The following MBOAT2 variants were observed in gnomAD, a reference collection of about 807,000 sequenced individuals.
MBOAT2 encodes the protein membrane-bound glycerophospholipid O-acyltransferase 2.
MBOAT2 carries 28 observed loss-of-function variants against 63.4 expected under a neutral mutation model. The observed-to-expected ratio is 0.44, with a 90% CI of 0.33 to 0.61. The LOEUF (loss-of-function observed/expected upper bound fraction) is 0.61. Among genes scored for constraint, MBOAT2 ranks in the 20% least tolerant of loss-of-function variants. MBOAT2 has a pLI of 0.03. For missense variants in MBOAT2, 470 were observed against 605.8 expected (o/e 0.78, Z 2.35); for synonymous variants, 211 against 215.6 (o/e 0.98, Z 0.19).
At chr2:8,863,726 C>T (rs555339898) in intron 10 of MBOAT2, among the ~76,000 whole-genome samples, 1 of 152,286 alleles carries the variant, frequency 6.6e-6, no homozygotes, top group East Asian at 1.9e-4. Flanking sequence ...GTCTTTTTAT[C>T]TTACTCATGT....
intron 1 of MBOAT2, among the ~76,000 whole-genome samples, chr2:8,983,200 T>C (rs1671320825): frequency 6.6e-6 from 1 of 152,160 alleles, no homozygotes; most frequent in Non-Finnish European, 1.5e-5. Flanking sequence ...ATGATACAGA[T>C]GTAAAATACA....
intron 3 of MBOAT2, among the ~76,000 whole-genome samples, chr2:8,917,644 G>A (rs187795201): frequency 6.6e-6 from 1 of 152,320 alleles, no homozygotes; most frequent in East Asian, 1.9e-4. Flanking sequence ...TGGGAGTGTA[G>A]AATGCTACAA....
At chr2:8,985,238 C>T (rs894930724) in intron 1 of MBOAT2, among the ~76,000 whole-genome samples, 3 of 152,158 alleles carry the variant, frequency 2.0e-5, no homozygotes, top group Non-Finnish European at 4.4e-5. Context: ...AATGATCTAC[C>T]TTTTACCGTT....
chr2:8,888,427 A>G (rs1663724231), intron 4 of MBOAT2, among the ~76,000 whole-genome samples: 1 of 152,194 alleles, frequency 6.6e-6, no homozygotes, highest in Non-Finnish European at 1.5e-5. Context: ...ATGTGGCCCC[A>G]GTCTCCTGCT....
chr2:9,003,528 G>A lies in MBOAT2; in HGVS notation c.75+12C>T. 1.7e-6 allele frequency: 2 copies of A among 1,197,416 alleles called. No homozygotes were observed. The highest frequency in any genetic ancestry group is 3.5e-5 in the South Asian group (1 of 28,262). The allele number at this position is 1,197,416 out of a possible 1,614,324, so 74.2% of individuals were successfully genotyped here. A position where few individuals can be genotyped will look rare whatever the true frequency, so the allele number is the denominator to read the frequency against. On this transcript the variant is annotated intron_variant, in intron 1 of 12. Transcript: ENST00000305997. The surrounding 1 kb of genome is among the most constrained non-coding windows in gnomAD (Gnocchi z 5.4). ...AGGGCGCGACGCCCGGCGCCAGGGC[G>A]CCTCGGGGTACCTGGTCGATGGGCA...
chr2:8,896,626 C>G (rs1558586401), intron 4 of MBOAT2, among the ~76,000 whole-genome samples: 1 of 152,164 alleles, frequency 6.6e-6, no homozygotes, highest in Non-Finnish European at 1.5e-5. Flanking sequence ...ATTAATAAGA[C>G]CTTGTTCAGT....
In MBOAT2 at chr2:8,862,304, A is replaced by G. The variant is rs1273585137; in HGVS notation, c.1185+286T>C. The G allele has an allele frequency of 5.9e-6, 8 of 1,350,774 alleles. No individual in the cohort carries two copies. Among genetic ancestry groups the G allele is most frequent in the Non-Finnish European group, 7.8e-6 (8 of 1,029,758 alleles). 83.7% of individuals were successfully genotyped at this position (1,350,774 alleles called of 1,614,324 possible). A position where few individuals can be genotyped will look rare whatever the true frequency, so the allele number is the denominator to read the frequency against. On this transcript the variant is annotated intron_variant, in intron 11 of 12. Coordinates refer to ENST00000305997, the MANE Select transcript of MBOAT2 (RefSeq NM_138799.4). This position sits in a 1 kb window ranked among gnomAD's most constrained non-coding sequence, Gnocchi z 4.3. ...ATCATCTTTATTTAACTCAGTTTTT[A>G]TCTCTCCTTCAGAAAATTCTGTAAA...
chr2:8,952,464 GAATT>G (rs1410207784), intron 2 of MBOAT2, among the ~76,000 whole-genome samples: 2 of 152,164 alleles, frequency 1.3e-5, no homozygotes, highest in Non-Finnish European at 2.9e-5. Flanking sequence ...TATAAGTACA[GAATT>G]AATTTATTAG....
chr2:8,974,463 C>A (rs1300015732), intron 1 of MBOAT2: 2 of 456,124 alleles, frequency 4.4e-6, no homozygotes, highest in Non-Finnish European at 8.8e-6. Context: ...GAAAGCAGAA[C>A]AGAAAGATTA....
intron 1 of MBOAT2, among the ~76,000 whole-genome samples, chr2:8,963,429 A>G (rs918357015): frequency 4.6e-5 from 7 of 151,998 alleles, no homozygotes; most frequent in Non-Finnish European, 5.9e-5. Flanking sequence ...TCAGCCTCCC[A>G]AGCAGCTGGG....
At chr2:8,886,728 T>C (rs771430600) in intron 5 of MBOAT2, among the ~76,000 whole-genome samples, 5 of 152,242 alleles carry the variant, frequency 3.3e-5, no homozygotes, top group Non-Finnish European at 7.3e-5. Context: ...GAGTTGAATA[T>C]ATATATTGTC....
intron 9 of MBOAT2, among the ~76,000 whole-genome samples, chr2:8,867,777 C>A (rs1431195288): frequency 2.0e-5 from 3 of 152,206 alleles, no homozygotes; most frequent in Non-Finnish European, 4.4e-5. Context: ...CTTGGATTAA[C>A]AAAACATCCT....
At chr2:8,922,901 G>C (rs1666680941) in intron 3 of MBOAT2, among the ~76,000 whole-genome samples, 1 of 152,178 alleles carries the variant, frequency 6.6e-6, no homozygotes, top group South Asian at 2.1e-4. Flanking sequence ...CTACTGCATG[G>C]GGTTCTCTGC....
At chr2:8,975,303 C>T (rs116773242) in intron 1 of MBOAT2, among the ~76,000 whole-genome samples, 5 of 152,226 alleles carry the variant, frequency 3.3e-5, no homozygotes, top group African/African-American at 4.8e-5. Flanking sequence ...TTTTGGGATC[C>T]CAAAATACTT....
At chr2:8,995,196 A>G (rs1325594139) in intron 1 of MBOAT2, among the ~76,000 whole-genome samples, 1 of 152,136 alleles carries the variant, frequency 6.6e-6, no homozygotes, top group East Asian at 1.9e-4. Flanking sequence ...GAGCCACTGC[A>G]CTCCAGCCTA....
intron 3 of MBOAT2, among the ~76,000 whole-genome samples, chr2:8,939,023 T>C (rs569930441): frequency 6.6e-6 from 1 of 152,318 alleles, no homozygotes; most frequent in South Asian, 2.1e-4. Flanking sequence ...CCTGCCATAC[T>C]GAACTCCTTG....
intron 1 of MBOAT2, among the ~76,000 whole-genome samples, chr2:8,981,202 T>C (rs1218194736): frequency 1.3e-5 from 2 of 152,202 alleles, no homozygotes; most frequent in Non-Finnish European, 2.9e-5. Flanking sequence ...GAGTGACTGC[T>C]AATGGTACAA....
intron 5 of MBOAT2, among the ~76,000 whole-genome samples, chr2:8,882,973 A>C (rs1179710119): frequency 6.6e-6 from 1 of 152,046 alleles, no homozygotes; most frequent in African/African-American, 2.4e-5. Context: ...CAATTTCCTT[A>C]CTCCTCCATG....
chr2:8,862,711 T>C lies in MBOAT2; in HGVS notation c.1064A>G (p.Glu355Gly). ...GATAGTTGGACTGAAGGAGGTTCGT[T>C]CATAACACACCCTAGAAACCATGAA... is the stretch of plus-strand genomic sequence containing the variant. ...TALWLKRVCY[E>G]RTSFSPTIQT... The change falls in exon 11 of 13, where the codon GAA becomes GGA. Residue 355 changes from glutamate (E) to glycine (G), a missense_variant. This residue lies in a region of MBOAT2 where 376 missense variants were observed against 503.8 expected (regional missense o/e 0.75). Transcript: ENST00000305997. This position sits in a 1 kb window ranked among gnomAD's most constrained non-coding sequence, Gnocchi z 4.3. 4.3e-6 allele frequency: 7 copies of C among 1,613,210 alleles called. No individual in the cohort carries two copies. The highest frequency in any genetic ancestry group is 5.9e-6 in the Non-Finnish European group (7 of 1,179,684).
Sources: gnomAD v4.1 joint callset for allele counts (sites outside exome capture counted in the v4.1 genomes callset) on GRCh38, gnomAD v4.1.1 for gene constraint, gnomAD v4.1.1 regional missense constraint, Gnocchi (gnomAD v3.1) non-coding constraint, MANE v1.5 for transcripts, NCBI Gene and HGNC (gene_info 2026-07-23, HGNC 2026-07-21) for gene names.